The following FBXL12 variants were observed in gnomAD, a reference collection of about 807,000 sequenced individuals.
The protein encoded by FBXL12 is F-box and leucine rich repeat protein 12.
FBXL12 carries 22 observed loss-of-function variants against 24.9 expected under a neutral mutation model. The ratio of observed to expected loss-of-function variants is 0.88; its 90% CI spans 0.63 to 1.26. The LOEUF is 1.26. FBXL12 is among the 50% of genes most tolerant of loss of function. The pLI is 0.00. For synonymous variants in FBXL12, 193 were observed against 193.8 expected (o/e 1.00, Z 0.03); for missense variants, 384 against 434.1 (o/e 0.88, Z 1.03).
chr19:9,814,202 G>A (rs1186287740), intron 2 of FBXL12: 9 of 163,222 alleles, frequency 5.5e-5, no homozygotes, highest in South Asian at 1.7e-4. Context: ...CTTACATGGC[G>A]GCAGCAAGAG....
Position 9,811,314 on chromosome 19 carries a change from C to G in FBXL12, c.563G>C (p.Arg188Pro). 6.2e-7 allele frequency: 1 copy of G among 1,609,030 alleles called. No homozygotes were observed. Among genetic ancestry groups the G allele is most frequent in the South Asian group, 1.1e-5 (1 of 91,090 alleles). ...AGCATCCAGCCCTGTCTCGGTCACACGGTAGGTACCACCCAGCACCAGCGA... is the reference window on the plus strand; with the variant it reads ...AGCATCCAGCCCTGTCTCGGTCACAGGGTAGGTACCACCCAGCACCAGCGA... ...LRSLVLGGTY[R>P]VTETGLDAGL... Residue 188 changes from arginine to proline, a missense_variant, in exon 3 of 3, where the codon CGT (arginine) becomes CCT (proline). Transcript: ENST00000247977. The surrounding 1 kb of genome is among the most constrained non-coding windows in gnomAD (Gnocchi z 6.0).
intron 2 of FBXL12, among the ~76,000 whole-genome samples, chr19:9,816,481 C>A (rs2045886891): frequency 6.6e-6 from 1 of 152,184 alleles, no homozygotes; most frequent in Non-Finnish European, 1.5e-5. Flanking sequence ...TTCCACAAAT[C>A]TCTAGGGCAG....
At chr19:9,812,434 G>C (rs1453960924) in intron 2 of FBXL12, among the ~76,000 whole-genome samples, 2 of 150,578 alleles carry the variant, frequency 1.3e-5, no homozygotes, top group African/African-American at 2.5e-5. Flanking sequence ...AAGAGGCTGA[G>C]GCAAGAGAAT....
At chr19:9,814,069 G>A (rs2045823521) in intron 2 of FBXL12, 1 of 157,402 alleles carries the variant, frequency 6.4e-6, no homozygotes, top group Non-Finnish European at 1.4e-5. Flanking sequence ...AACTGTATTA[G>A]TCTATTTTCA....
chr19:9,816,624 T>G (rs1349806673), intron 2 of FBXL12, among the ~76,000 whole-genome samples: 1 of 152,234 alleles, frequency 6.6e-6, no homozygotes, highest in African/African-American at 2.4e-5. Flanking sequence ...ATCAGCATTT[T>G]GGGCAAAGTC....
intron 2 of FBXL12, among the ~76,000 whole-genome samples, chr19:9,817,173 T>G (rs1412379229): frequency 2.0e-5 from 3 of 152,062 alleles, no homozygotes; most frequent in Non-Finnish European, 2.9e-5. Flanking sequence ...AGAAACATGT[T>G]TTAATGAATC....
Position 9,811,725 on chromosome 19 carries a change from A to G in FBXL12, c.160-8T>C. 1 of 1,507,486 alleles carries G rather than the reference A, an allele frequency of 6.6e-7. No individual in the cohort carries two copies. Among genetic ancestry groups the G allele is most frequent in the South Asian group, 1.4e-5 (1 of 73,700 alleles). The allele number at this position is 1,507,486 out of a possible 1,614,324, so 93.4% of individuals were successfully genotyped here. ...CATGACTTTAGGTCGCATCTGTAAGAGCCAGAGATTGGGGTGACAGAGTGA... is the reference window on the plus strand; with the variant it reads ...CATGACTTTAGGTCGCATCTGTAAGGGCCAGAGATTGGGGTGACAGAGTGA... On this transcript the variant is annotated splice_region_variant and splice_polypyrimidine_tract_variant and intron_variant, in intron 2 of 2. Transcript: ENST00000247977. The surrounding 1 kb of genome is among the most constrained non-coding windows in gnomAD (Gnocchi z 6.0).
rs1178478048 is a variant in FBXL12 at position 9,818,853 on chromosome 19, C to T, written c.-40G>A. The T allele has an allele frequency of 2.0e-6, 3 of 1,524,754 alleles. No homozygotes were observed. The East Asian group carries it at 7.4e-5, about 38-fold the overall frequency. The allele number at this position is 1,524,754 out of a possible 1,614,324, so 94.5% of individuals were successfully genotyped here. The stretch of plus-strand genomic sequence containing the variant: ...GCACTTCCGCTTCCGGTTAAAGAGA[C>T]CCGAGGGGTCCTGGGGGCGCCGAGG... On this transcript the variant is annotated 5_prime_UTR_variant, in exon 1 of 3. Transcript: ENST00000247977.
In FBXL12 at chr19:9,819,041, G is replaced by A. The variant is rs1443554210; in HGVS notation, c.-228C>T. The A allele has an allele frequency of 8.6e-6, 5 of 584,114 alleles. No individual in the cohort carries two copies. The highest frequency in any genetic ancestry group is 2.9e-5 in the East Asian group (1 of 34,930). 36.2% of individuals were successfully genotyped at this position (584,114 alleles called of 1,614,324 possible). On this transcript the variant is annotated 5_prime_UTR_variant, in exon 1 of 3. Transcript: ENST00000247977. The stretch of plus-strand genomic sequence containing the variant: ...AGGCAGTGAGAGGCTTGCGGGAGGT[G>A]GCTGAGGCGTGATTTGGCCGCGACT...
In FBXL12 at chr19:9,810,762, C is replaced by G; in HGVS notation, c.*134G>C. 1 of 671,656 alleles carries G rather than the reference C, an allele frequency of 1.5e-6. No homozygotes were observed. The highest frequency in any genetic ancestry group is 2.7e-5 in the East Asian group (1 of 36,496). The allele number at this position is 671,656 out of a possible 1,614,324, so 41.6% of individuals were successfully genotyped here. A position where few individuals can be genotyped will look rare whatever the true frequency, so the allele number is the denominator to read the frequency against. ...AGTGATTCCAATGGTCTGGAGGTCC[C>G]TAGGCCTCTGTTCTCTCAACCTGGG... On this transcript the variant is annotated 3_prime_UTR_variant, in exon 3 of 3. Transcript: ENST00000247977.
At chr19:9,814,505 A>C (rs1599427468) in intron 2 of FBXL12, 3 of 150,328 alleles carry the variant, frequency 2.0e-5, no homozygotes, top group East Asian at 1.9e-4. Flanking sequence ...CAAGACTCCG[A>C]CTCAAAGAAA....
intron 2 of FBXL12, among the ~76,000 whole-genome samples, chr19:9,816,611 A>T (rs553343075): frequency 1.7e-4 from 26 of 152,278 alleles, no homozygotes; most frequent in African/African-American, 6.3e-4. Context: ...TGATCATACC[A>T]CTATCAGCAT....
In FBXL12 at chr19:9,818,724, G is replaced by A. The variant is rs1246314940; in HGVS notation, c.86+4C>T. The A allele has an allele frequency of 6.5e-7, 1 of 1,544,156 alleles. No individual in the cohort carries two copies. The highest frequency in any genetic ancestry group is 2.4e-5 in the East Asian group (1 of 41,010). ...TGCCCTTCCCCCCGGAGGCGGGGCCGCACCTGGAGATGCGGATCCGGTCCC... is the reference window on the plus strand; with the variant it reads ...TGCCCTTCCCCCCGGAGGCGGGGCCACACCTGGAGATGCGGATCCGGTCCC... On this transcript the variant is annotated splice_donor_region_variant and intron_variant, in intron 1 of 2. Transcript: ENST00000247977.
Position 9,810,873 on chromosome 19 carries a change from G to T in FBXL12, c.*23C>A. The T allele has an allele frequency of 6.5e-7, 1 of 1,542,822 alleles. No homozygotes were observed. The highest frequency in any genetic ancestry group is 2.3e-4 in the Middle Eastern group (1 of 4,366). The stretch of plus-strand genomic sequence containing the variant: ...GGGCTCAATGATGAAAACTGGGATG[G>T]GTCCCAAGGGCAGGTGGAGTAGTTA... On this transcript the variant is annotated 3_prime_UTR_variant, in exon 3 of 3. Coordinates refer to ENST00000247977, the MANE Select transcript of FBXL12 (RefSeq NM_017703.3).
Position 9,810,641 on chromosome 19 carries a change from T to C in FBXL12, c.*255A>G. The C allele has an allele frequency of 2.6e-6, 1 of 390,366 alleles. No homozygotes were observed. Among genetic ancestry groups the C allele is most frequent in the Non-Finnish European group, 4.6e-6 (1 of 215,482 alleles). The allele number at this position is 390,366 out of a possible 1,614,324, so 24.2% of individuals were successfully genotyped here. Reference sequence around the variant, plus strand: ...GCTTTTAGAGTAAGGCTTTGCAATGTAACCGTGAGGTAGCTATGATCATCC... The same window carrying C: ...GCTTTTAGAGTAAGGCTTTGCAATGCAACCGTGAGGTAGCTATGATCATCC... On this transcript the variant is annotated 3_prime_UTR_variant, in exon 3 of 3. Transcript: ENST00000247977.
chr19:9,818,718 G>T lies in FBXL12; in HGVS notation c.86+10C>A. The T allele has an allele frequency of 6.5e-7, 1 of 1,544,678 alleles. No homozygotes were observed. The highest frequency in any genetic ancestry group is 8.8e-7 in the Non-Finnish European group (1 of 1,141,172). ...CCGCCCTGCCCTTCCCCCCGGAGGC[G>T]GGGCCGCACCTGGAGATGCGGATCC... On this transcript the variant is annotated intron_variant, in intron 1 of 2. Coordinates refer to ENST00000247977, the MANE Select transcript of FBXL12 (RefSeq NM_017703.3).
chr19:9,814,499 A>C (rs1286705102), intron 2 of FBXL12: 1 of 151,530 alleles, frequency 6.6e-6, no homozygotes, highest in African/African-American at 2.4e-5. Context: ...GCAGAACAAG[A>C]CTCCGACTCA....
intron 2 of FBXL12, chr19:9,818,244 T>A: frequency 4.5e-6 from 2 of 442,244 alleles, no homozygotes; most frequent in Non-Finnish European, 4.0e-6. Context: ...TAAATTAGCA[T>A]TTATCGAATG....
chr19:9,811,391 G>A lies in FBXL12; in HGVS notation c.486C>T (p.Pro162=), dbSNP rs774054910. 3.8e-5 allele frequency: 62 copies of A among 1,612,734 alleles called. No individual in the cohort carries two copies. Among genetic ancestry groups the A allele is most frequent in the African/African-American group, 2.5e-4 (19 of 74,934 alleles). ...LLECIVLDRV[P]AFRDEHLQGL... ...CCTGCAGGTGCTCGTCACGGAAGGC[G>A]GGGACGCGGTCCAGCACGATGCATT... is the stretch of plus-strand genomic sequence containing the variant. The change falls in exon 3 of 3, where the codon CCC becomes CCT. Residue 162 remains proline (P), a synonymous_variant. Coordinates refer to ENST00000247977, the MANE Select transcript of FBXL12 (RefSeq NM_017703.3). This position sits in a 1 kb window ranked among gnomAD's most constrained non-coding sequence, Gnocchi z 6.0.
Sources: gnomAD v4.1 joint callset for allele counts (sites outside exome capture counted in the v4.1 genomes callset) on GRCh38, gnomAD v4.1.1 for gene constraint, Gnocchi (gnomAD v3.1) non-coding constraint, MANE v1.5 for transcripts, NCBI Gene and HGNC (gene_info 2026-07-23, HGNC 2026-07-21) for gene names.